The following ANKRD33B variants were observed in gnomAD, a reference collection of about 807,000 sequenced individuals.
The protein encoded by ANKRD33B is ankyrin repeat domain-containing protein 33B.
ANKRD33B carries 6 observed loss-of-function variants against 21.5 expected under a neutral mutation model. The ratio of observed to expected loss-of-function variants is 0.28; its 90% confidence interval spans 0.15 to 0.55. ANKRD33B has a LOEUF of 0.55. Among genes scored for constraint, ANKRD33B ranks in the 20% least tolerant of loss-of-function variants. ANKRD33B has a pLI of 0.94. For missense variants in ANKRD33B, 698 were observed against 747.2 expected (o/e 0.93, Z 0.77); for synonymous variants, 347 against 342.4 (o/e 1.01, Z -0.15).
chr5:10,637,431 C>CACACACACACACAT (rs1253617505), intron 2 of ANKRD33B, among the ~76,000 whole-genome samples: 125 of 136,252 alleles, frequency 9.2e-4, no homozygotes, highest in African/African-American at 3.2e-3. Context: ...GTTAGACACA[C>CACACACACACACAT]ACACACACAC....
intron 2 of ANKRD33B, among the ~76,000 whole-genome samples, chr5:10,625,491 A>G (rs1560978823): frequency 6.6e-6 from 1 of 152,044 alleles, no homozygotes; most frequent in Non-Finnish European, 1.5e-5. Flanking sequence ...ATGGTTATTA[A>G]TCTAGAAGCT....
chr5:10,624,937 TG>T, intron 2 of ANKRD33B: 1 of 378,014 alleles, frequency 2.6e-6, no homozygotes, highest in Non-Finnish European at 5.2e-6. Flanking sequence ...CTGGTGAGGC[TG>T]ATGCCACTGG....
chr5:10,585,733 G>A (rs1689267381), intron 1 of ANKRD33B, among the ~76,000 whole-genome samples: 1 of 152,212 alleles, frequency 6.6e-6, no homozygotes, highest in Admixed American at 6.5e-5. Context: ...TACCATGCTG[G>A]GTGAGGGCGC....
intron 1 of ANKRD33B, among the ~76,000 whole-genome samples, chr5:10,582,945 A>C (rs970966367): frequency 6.6e-6 from 1 of 150,446 alleles, no homozygotes; most frequent in Non-Finnish European, 1.5e-5. Flanking sequence ...TGCCCTGTGC[A>C]GTCCGGCAGT....
chr5:10,564,324 G>A lies in ANKRD33B; in HGVS notation c.-144G>A, dbSNP rs978609354. ...CTTTTTTCTTTGAGCGCAGCCGCCT[G>A]GTGCCGGTTTCCGCCGAGCTGGAGC... On this transcript the variant is annotated 5_prime_UTR_variant, in exon 1 of 4. Coordinates refer to ENST00000296657, the MANE Select transcript of ANKRD33B (RefSeq NM_001164440.2). 2.8e-3 allele frequency: 1,316 copies of A among 475,304 alleles called. 3 individuals are homozygous for A. The highest frequency in any genetic ancestry group is 3.1e-3 in the Non-Finnish European group (1,127 of 360,274). 29.4% of individuals were successfully genotyped at this position (475,304 alleles called of 1,614,324 possible). A position where few individuals can be genotyped will look rare whatever the true frequency, so the allele number is the denominator to read the frequency against.
chr5:10,634,088 G>T (rs1425821854), intron 2 of ANKRD33B, among the ~76,000 whole-genome samples: 2 of 152,196 alleles, frequency 1.3e-5, no homozygotes, highest in African/African-American at 4.8e-5. Flanking sequence ...CACACAGATT[G>T]TCTCCTATAA....
Position 10,590,605 on chromosome 5 carries a change from C to CGT in ANKRD33B, c.366+25773_366+25774insTG, listed in dbSNP as rs1272288189. Among the ~76,000 whole-genome samples the CGT allele has an allele frequency of 2.7e-3, 258 of 95,346 alleles. 1 individual carries two copies. The highest frequency in any genetic ancestry group is 4.4e-3 in the South Asian group (15 of 3,392). The allele number at this position is 95,346 out of a possible 152,430, so 62.6% of individuals were successfully genotyped here. A position where few individuals can be genotyped will look rare whatever the true frequency, so the allele number is the denominator to read the frequency against. The stretch of plus-strand genomic sequence containing the variant: ...ATTTTGAGATGCGCGCGCGCGCGCG[C>CGT]GCGTGTGTGTGTGTGTGTGTGTTTT... On this transcript the variant is annotated intron_variant, in intron 1 of 3. Transcript: ENST00000296657.
intron 1 of ANKRD33B, among the ~76,000 whole-genome samples, chr5:10,599,806 CTT>C (rs950154000): frequency 1.1e-4 from 16 of 152,258 alleles, no homozygotes; most frequent in African/African-American, 3.9e-4. Flanking sequence ...GTGTACAAAT[CTT>C]TGTTTCAACC....
intron 1 of ANKRD33B, among the ~76,000 whole-genome samples, chr5:10,596,764 A>G (rs1035956400): frequency 2.6e-5 from 4 of 152,126 alleles, no homozygotes; most frequent in African/African-American, 9.7e-5. Flanking sequence ...CCAAGGTTGA[A>G]ATGAAAGAAA....
chr5:10,609,735 C>T (rs1274752587), intron 1 of ANKRD33B, among the ~76,000 whole-genome samples: 1 of 152,070 alleles, frequency 6.6e-6, no homozygotes, highest in Non-Finnish European at 1.5e-5. Context: ...GTGGTGAAAC[C>T]CCATTTCTAC....
chr5:10,632,539 A>G (rs968802544), intron 2 of ANKRD33B, among the ~76,000 whole-genome samples: 2 of 151,518 alleles, frequency 1.3e-5, no homozygotes, highest in South Asian at 4.2e-4. Context: ...CTGTCCATCC[A>G]CTCATTTAGG....
intron 1 of ANKRD33B, among the ~76,000 whole-genome samples, chr5:10,570,118 C>T (rs1325650205): frequency 6.6e-6 from 1 of 152,092 alleles, no homozygotes; most frequent in Non-Finnish European, 1.5e-5. Flanking sequence ...CTCAAGTGAT[C>T]CACCCACCTC....
At chr5:10,646,548 T>C (rs572865115) in intron 3 of ANKRD33B, among the ~76,000 whole-genome samples, 4 of 152,358 alleles carry the variant, frequency 2.6e-5, no homozygotes, top group African/African-American at 9.6e-5. Context: ...TGCAAAACTT[T>C]GGACAGATCT....
chr5:10,646,301 A>G (rs1201217158), intron 3 of ANKRD33B, among the ~76,000 whole-genome samples: 1 of 152,194 alleles, frequency 6.6e-6, no homozygotes, highest in Non-Finnish European at 1.5e-5. Context: ...CATTTCAGAA[A>G]TCCTCTGTAT....
intron 1 of ANKRD33B, among the ~76,000 whole-genome samples, chr5:10,590,926 A>G (rs1007609233): frequency 6.6e-6 from 1 of 152,106 alleles, no homozygotes; most frequent in Non-Finnish European, 1.5e-5. Flanking sequence ...TGGAAACTGG[A>G]TGCCTCCAAA....
chr5:10,604,005 C>T (rs1395452063), intron 1 of ANKRD33B, among the ~76,000 whole-genome samples: 1 of 151,544 alleles, frequency 6.6e-6, no homozygotes, highest in Non-Finnish European at 1.5e-5. Flanking sequence ...AGCGATTCTC[C>T]TGCCTCAGCC....
In ANKRD33B at chr5:10,575,037, T is replaced by C. The variant is rs1735286216; in HGVS notation, c.366+10204T>C. Among the ~76,000 whole-genome samples, 2 of 55,374 alleles carry C rather than the reference T, an allele frequency of 3.6e-5. 1 individual carries two copies. The highest frequency in any genetic ancestry group is 1.0e-4 in the Non-Finnish European group (2 of 19,534). 36.3% of individuals were successfully genotyped at this position (55,374 alleles called of 152,430 possible). A position where few individuals can be genotyped will look rare whatever the true frequency, so the allele number is the denominator to read the frequency against. The stretch of plus-strand genomic sequence containing the variant: ...AGGAATTCAAGGCTGCAGGATGAGC[T>C]AGGATGGTGCCACTGCACTCAGCCT... On this transcript the variant is annotated intron_variant, in intron 1 of 3. Coordinates refer to ENST00000296657, the MANE Select transcript of ANKRD33B (RefSeq NM_001164440.2).
At chr5:10,630,190 G>A (rs988405927) in intron 2 of ANKRD33B, among the ~76,000 whole-genome samples, 1 of 152,230 alleles carries the variant, frequency 6.6e-6, no homozygotes. Flanking sequence ...TTATGCATCT[G>A]TGGATGGGCT....
At chr5:10,639,989 G>A (rs1443598688) in intron 3 of ANKRD33B, among the ~76,000 whole-genome samples, 1 of 74,890 alleles carries the variant, frequency 1.3e-5, no homozygotes, top group Non-Finnish European at 3.2e-5. Flanking sequence ...GGAGTTGCGC[G>A]GCGATGTTAG....
Sources: allele counts gnomAD v4.1 joint callset (sites outside exome capture counted in the v4.1 genomes callset), GRCh38; gene constraint gnomAD v4.1.1; transcripts MANE v1.5; gene names NCBI Gene and HGNC (gene_info 2026-07-23, HGNC 2026-07-21).